MSI2: variants seen among roughly 807,000 people sequenced by gnomAD.
MSI2 encodes musashi RNA binding protein 2, also known as RNA-binding protein Musashi homolog 2.
In MSI2, 17 loss-of-function variants were observed where a neutral mutation model predicts 45.6. The ratio of observed to expected loss-of-function variants is 0.37; its 90% CI spans 0.26 to 0.56. The LOEUF is 0.56. Among genes scored for constraint, MSI2 ranks in the 20% least tolerant of loss-of-function variants. The probability of loss-of-function intolerance (pLI) is 0.77; values close to 1 mark genes in which losing one functional copy is unlikely to be tolerated. For missense variants in MSI2, 293 were observed against 444.2 expected (o/e 0.66, Z 3.06); for synonymous variants, 156 against 158.2 (o/e 0.99, Z 0.11).
intron 6 of MSI2, among the ~76,000 whole-genome samples, chr17:57,502,932 A>G (rs1490175516): frequency 6.6e-6 from 1 of 151,852 alleles, no homozygotes; most frequent in African/African-American, 2.4e-5. Flanking sequence ...GCTTCTGTTT[A>G]TGACTAATTG....
At chr17:57,428,672 A>C (rs1053566883) in intron 6 of MSI2, among the ~76,000 whole-genome samples, 12 of 152,206 alleles carry the variant, frequency 7.9e-5, no homozygotes, top group Admixed American at 6.5e-4. Context: ...AGGCACACAA[A>C]GTTAGCTGAG....
chr17:57,378,368 A>G (rs2083538606), intron 5 of MSI2, among the ~76,000 whole-genome samples: 1 of 151,658 alleles, frequency 6.6e-6, no homozygotes, highest in Non-Finnish European at 1.5e-5. Flanking sequence ...GGTTGAAGCA[A>G]TTCTCCTGCC....
intron 5 of MSI2, among the ~76,000 whole-genome samples, chr17:57,344,455 T>C (rs756660921): frequency 1.6e-4 from 25 of 152,228 alleles, no homozygotes; most frequent in Non-Finnish European, 3.5e-4. Flanking sequence ...AACAAGGTGT[T>C]CCAAGCTCAT....
chr17:57,327,498 C>A (rs2097089786), intron 5 of MSI2, among the ~76,000 whole-genome samples: 1 of 152,174 alleles, frequency 6.6e-6, no homozygotes, highest in Non-Finnish European at 1.5e-5. Flanking sequence ...TCCAGCTGAC[C>A]ATGTGATTTG....
chr17:57,336,831 A>G (rs1056377020), intron 5 of MSI2, among the ~76,000 whole-genome samples: 2 of 152,174 alleles, frequency 1.3e-5, no homozygotes, highest in African/African-American at 4.8e-5. Flanking sequence ...TAAAATAGCA[A>G]ACGTTTATCA....
chr17:57,599,182 G>A (rs1286524135), intron 8 of MSI2, among the ~76,000 whole-genome samples: 1 of 152,236 alleles, frequency 6.6e-6, no homozygotes, highest in Non-Finnish European at 1.5e-5. Context: ...GAAGGACATT[G>A]CTCCATTTGT....
At position 57,591,448 on chromosome 17, in the gene MSI2, T is replaced by C. The variant is rs114546869; in HGVS notation, c.455-5420T>C. On this transcript the variant is annotated intron_variant, in intron 7 of 13. Coordinates refer to ENST00000284073, the MANE Select transcript of MSI2 (RefSeq NM_138962.4). ...TCATAACAAGTAAAATATAAGCCGG[T>C]GTGGTGGCTCATGCCTGTAATCCCA... Among the ~76,000 whole-genome samples the C allele has an allele frequency of 5.5e-3, 840 of 152,056 alleles. 8 individuals carry two copies. Among genetic ancestry groups the C allele is most frequent in the African/African-American group, 0.019 (805 of 41,468 alleles).
intron 6 of MSI2, among the ~76,000 whole-genome samples, chr17:57,486,592 A>G (rs1598323189): frequency 6.6e-6 from 1 of 152,232 alleles, no homozygotes; most frequent in East Asian, 1.9e-4. Flanking sequence ...TCTTCCTTGT[A>G]TGTGTTTGGA....
At chr17:57,270,485 G>T (rs761147611) in intron 5 of MSI2, among the ~76,000 whole-genome samples, 4 of 152,210 alleles carry the variant, frequency 2.6e-5, no homozygotes, top group Non-Finnish European at 5.9e-5. Flanking sequence ...TCAGGCTGAG[G>T]AATAGAATTT....
intron 5 of MSI2, among the ~76,000 whole-genome samples, chr17:57,295,240 C>T (rs560867007): frequency 2.0e-5 from 3 of 152,292 alleles, no homozygotes; most frequent in African/African-American, 4.8e-5. Context: ...AGAATTAATA[C>T]GCCTCCTGCC....
intron 6 of MSI2, among the ~76,000 whole-genome samples, chr17:57,453,453 G>A (rs2085056156): frequency 6.6e-6 from 1 of 152,136 alleles, no homozygotes; most frequent in African/African-American, 2.4e-5. Context: ...ATGATTTGGG[G>A]TTGAGCCATA....
intron 6 of MSI2, among the ~76,000 whole-genome samples, chr17:57,503,275 TG>T (rs1383129171): frequency 2.0e-5 from 3 of 152,248 alleles, no homozygotes; most frequent in African/African-American, 7.2e-5. Flanking sequence ...CACAAGGAGT[TG>T]GCAAATTACT....
chr17:57,651,402 C>G (rs3886593), intron 10 of MSI2, among the ~76,000 whole-genome samples: 20,438 of 151,898 alleles, frequency 0.13, 1,544 homozygotes, highest in South Asian at 0.21. Flanking sequence ...ACCGAGAGAT[C>G]AAATAAAGCC....
At chr17:57,564,119 C>T (rs1233442858) in intron 7 of MSI2, among the ~76,000 whole-genome samples, 1 of 152,228 alleles carries the variant, frequency 6.6e-6, no homozygotes, top group Non-Finnish European at 1.5e-5. Context: ...CCTGGCTGCC[C>T]ATCCTCTCTG....
intron 6 of MSI2, among the ~76,000 whole-genome samples, chr17:57,456,662 G>C (rs749478867): frequency 6.6e-6 from 1 of 152,050 alleles, no homozygotes; most frequent in Non-Finnish European, 1.5e-5. Context: ...TGCAGATTTA[G>C]TCTTGCTCAA....
intron 5 of MSI2, among the ~76,000 whole-genome samples, chr17:57,383,130 T>C (rs1255952479): frequency 6.6e-6 from 1 of 152,230 alleles, no homozygotes; most frequent in African/African-American, 2.4e-5. Context: ...AGAGACTTAA[T>C]GGCTGGACAG....
chr17:57,271,640 A>C (rs1321903787), intron 5 of MSI2, among the ~76,000 whole-genome samples: 1 of 151,940 alleles, frequency 6.6e-6, no homozygotes. Context: ...ATTGTTTTGA[A>C]GGGCAGAAAA....
chr17:57,430,960 C>T (rs956977672), intron 6 of MSI2, among the ~76,000 whole-genome samples: 6 of 152,212 alleles, frequency 3.9e-5, no homozygotes, highest in Admixed American at 1.3e-4. Context: ...TTTAGGAGCA[C>T]GGAGAAGACT....
chr17:57,305,154 A>C (rs1418582952), intron 5 of MSI2, among the ~76,000 whole-genome samples: 1 of 152,174 alleles, frequency 6.6e-6, no homozygotes, highest in African/African-American at 2.4e-5. Flanking sequence ...AGGCCCCCTC[A>C]GTTGGGATTC....
Sources: allele counts gnomAD v4.1 joint callset (sites outside exome capture counted in the v4.1 genomes callset), GRCh38; gene constraint gnomAD v4.1.1; transcripts MANE v1.5; gene names NCBI Gene and HGNC (gene_info 2026-07-23, HGNC 2026-07-21).